MIPOL1: variants seen among roughly 807,000 people sequenced by gnomAD.
The protein encoded by MIPOL1 is mirror-image polydactyly gene 1 protein.
In MIPOL1, 57 loss-of-function variants were observed where a neutral mutation model predicts 60.9. That is an observed-to-expected ratio of 0.94 (90% CI 0.76 to 1.17). The LOEUF (loss-of-function observed/expected upper bound fraction) is 1.17. MIPOL1 is among the 50% of genes most tolerant of loss of function. The probability of loss-of-function intolerance (pLI) is 0.00; values close to 1 mark genes in which losing one functional copy is unlikely to be tolerated. For synonymous variants in MIPOL1, 179 were observed against 168.8 expected (o/e 1.06, Z -0.47); for missense variants, 551 against 511.6 (o/e 1.08, Z -0.74).
At chr14:37,256,051 A>T (rs1280316483) in intron 3 of MIPOL1, among the ~76,000 whole-genome samples, 2 of 151,894 alleles carry the variant, frequency 1.3e-5, no homozygotes, top group African/African-American at 4.8e-5. Context: ...TGCTGTCTGT[A>T]CCAAGATAAT....
intron 1 of MIPOL1, among the ~76,000 whole-genome samples, chr14:37,202,858 G>A (rs1458267058): frequency 6.6e-6 from 1 of 152,068 alleles, no homozygotes; most frequent in Non-Finnish European, 1.5e-5. Context: ...CTTTATTTAG[G>A]TTACATTTAA....
chr14:37,507,805 C>G (rs1279744359), intron 12 of MIPOL1: 1 of 152,012 alleles, frequency 6.6e-6, no homozygotes, highest in Admixed American at 6.6e-5. Context: ...CTGTCTCTTC[C>G]TTAGTTTTTG....
intron 1 of MIPOL1, among the ~76,000 whole-genome samples, chr14:37,235,637 T>A (rs1252729370): frequency 6.6e-6 from 1 of 152,158 alleles, no homozygotes; most frequent in Non-Finnish European, 1.5e-5. Context: ...GATAGTTCAG[T>A]GGCATTAAGT....
intron 3 of MIPOL1, among the ~76,000 whole-genome samples, chr14:37,253,317 T>G (rs1373842702): frequency 6.6e-6 from 1 of 151,774 alleles, no homozygotes; most frequent in Non-Finnish European, 1.5e-5. Context: ...TCATAAATCT[T>G]TGTAAGCTTG....
intron 9 of MIPOL1, among the ~76,000 whole-genome samples, chr14:37,325,452 A>G (rs1190736416): frequency 6.6e-6 from 1 of 151,908 alleles, no homozygotes; most frequent in African/African-American, 2.4e-5. Flanking sequence ...TTAAATAACT[A>G]CCTTTTAATA....
chr14:37,242,306 C>G (rs1395447496), intron 1 of MIPOL1, among the ~76,000 whole-genome samples: 3 of 151,804 alleles, frequency 2.0e-5, no homozygotes, highest in Non-Finnish European at 4.4e-5. Context: ...GTAATAGTTT[C>G]TTATGTATAC....
At chr14:37,293,656 A>G (rs1325280600) in intron 7 of MIPOL1, among the ~76,000 whole-genome samples, 1 of 152,120 alleles carries the variant, frequency 6.6e-6, no homozygotes, top group Non-Finnish European at 1.5e-5. Flanking sequence ...ACACCAGGAG[A>G]TTATATCCCA....
At chr14:37,464,999 A>G (rs1594506383) in intron 11 of MIPOL1, among the ~76,000 whole-genome samples, 1 of 152,148 alleles carries the variant, frequency 6.6e-6, no homozygotes, top group Non-Finnish European at 1.5e-5. Flanking sequence ...AGCCCCAGAC[A>G]TGTATCTGCT....
At chr14:37,414,228 A>G (rs532253441) in intron 10 of MIPOL1, among the ~76,000 whole-genome samples, 20 of 152,204 alleles carry the variant, frequency 1.3e-4, no homozygotes, top group Non-Finnish European at 2.8e-4. Flanking sequence ...ACATATTTTC[A>G]TAATAGGCCA....
intron 12 of MIPOL1, among the ~76,000 whole-genome samples, chr14:37,514,561 C>A (rs1215842623): frequency 1.3e-5 from 2 of 151,878 alleles, no homozygotes; most frequent in Admixed American, 6.6e-5. Flanking sequence ...CCTTTGTTGT[C>A]TCTATTATTA....
chr14:37,546,447 T>A (rs1002000935), intron 12 of MIPOL1, among the ~76,000 whole-genome samples: 2 of 152,200 alleles, frequency 1.3e-5, no homozygotes, highest in Admixed American at 1.3e-4. Context: ...GGGAATTTAG[T>A]ACATAGAAGT....
intron 12 of MIPOL1, among the ~76,000 whole-genome samples, 168 bp downstream of exon 12, chr14:37,500,306 G>A (rs2095197191): frequency 6.6e-6 from 1 of 152,030 alleles, no homozygotes; most frequent in South Asian, 2.1e-4. Flanking sequence ...CCATATTTGG[G>A]GTCAAAAAAG....
chr14:37,260,590 T>C (rs1472720001), intron 3 of MIPOL1, among the ~76,000 whole-genome samples: 1 of 152,208 alleles, frequency 6.6e-6, no homozygotes, highest in East Asian at 1.9e-4. Context: ...GATTATCTTA[T>C]AATTTCATTT....
At chr14:37,201,516 T>G (rs1965342270) in intron 1 of MIPOL1, among the ~76,000 whole-genome samples, 1 of 152,156 alleles carries the variant, frequency 6.6e-6, no homozygotes. Context: ...TATAATATAG[T>G]TATTGTAATA....
Position 37,247,477 on chromosome 14 carries a change from T to C in MIPOL1, c.-61+237T>C, listed in dbSNP as rs1567139461. The stretch of plus-strand genomic sequence containing the variant: ...ATTCAAATCAGTAAATTTGAAATTT[T>C]TGGTATAAAATTTATGACAAATAAA... On this transcript the variant is annotated intron_variant, in intron 2 of 12. Transcript: ENST00000684589. 3.3e-5 allele frequency among the ~76,000 whole-genome samples: 5 copies of C among 152,164 alleles called. No homozygotes were observed. In the South Asian group the frequency reaches 1.0e-3, roughly 32 times the overall value.
In MIPOL1 at chr14:37,449,795, T is replaced by C. The variant is rs553521927; in HGVS notation, c.1031+26846T>C. Among the ~76,000 whole-genome samples the C allele has an allele frequency of 7.9e-5, 12 of 152,056 alleles. No individual in the cohort carries two copies. In the East Asian group the frequency reaches 2.1e-3, roughly 27 times the overall value. On this transcript the variant is annotated intron_variant, in intron 11 of 12. Coordinates refer to ENST00000684589, the MANE Select transcript of MIPOL1 (RefSeq NM_001388067.1). ...TTAAATTTCTGATTACATTTATTTA[T>C]TTATTTATTTATTTATTTACTTAAT...
At chr14:37,424,575 T>G (rs2153553578) in intron 11 of MIPOL1, among the ~76,000 whole-genome samples, 1 of 152,330 alleles carries the variant, frequency 6.6e-6, no homozygotes, top group Non-Finnish European at 1.5e-5. Context: ...ATTAAATATC[T>G]GTTGTTTTAA....
At chr14:37,393,978 A>G (rs1224880341) in intron 10 of MIPOL1, among the ~76,000 whole-genome samples, 2 of 147,230 alleles carry the variant, frequency 1.4e-5, no homozygotes, top group Admixed American at 1.4e-4. Context: ...GAGTTACTTC[A>G]CTTAGAATAA....
chr14:37,481,560 A>C (rs1315771735), intron 11 of MIPOL1, among the ~76,000 whole-genome samples: 66 of 113,196 alleles, frequency 5.8e-4, no homozygotes, highest in African/African-American at 2.1e-3. Context: ...GACCCCCCCC[A>C]ACACACACAC....
Sources: allele counts gnomAD v4.1 joint callset (sites outside exome capture counted in the v4.1 genomes callset), GRCh38; gene constraint gnomAD v4.1.1; transcripts MANE v1.5; gene names NCBI Gene and HGNC (gene_info 2026-07-23, HGNC 2026-07-21).